Variants in NRXN1 observed in about 807,000 individuals in gnomAD.
NRXN1 encodes neurexin-1.
In NRXN1, 39 loss-of-function variants were observed where a neutral mutation model predicts 150.9. The observed-to-expected ratio is 0.26, with a 90% CI of 0.20 to 0.34. The LOEUF (loss-of-function observed/expected upper bound fraction) is 0.34, where lower values mean the gene tolerates loss of function less well. Ranked by LOEUF, NRXN1 falls within the 10% of genes least tolerant of loss-of-function variation. NRXN1 has a pLI of 1.00. For missense variants in NRXN1, 1,815 were observed against 1,949.9 expected (o/e 0.93, Z 1.30); for synonymous variants, 924 against 757.0 (o/e 1.22, Z -3.62).
At chr2:50,691,953 A>T (rs987821303) in intron 5 of NRXN1, among the ~76,000 whole-genome samples, 1 of 152,148 alleles carries the variant, frequency 6.6e-6, no homozygotes, top group African/African-American at 2.4e-5. Flanking sequence ...AGCCAACTCC[A>T]TGGTAGTTAT....
chr2:51,004,961 C>T (rs62143017), intron 2 of NRXN1, among the ~76,000 whole-genome samples: 11,057 of 152,004 alleles, frequency 0.073, 534 homozygotes, highest in Non-Finnish European at 0.11. Flanking sequence ...TAAGATGGAA[C>T]ATACTGGATA....
At chr2:50,217,252 G>T (rs78513132) in intron 18 of NRXN1, among the ~76,000 whole-genome samples, 15,507 of 151,946 alleles carry the variant, frequency 0.1, 1,085 homozygotes, top group East Asian at 0.36. Flanking sequence ...CTATTATTAA[G>T]AATAACAAAG....
chr2:50,620,554 T>C (rs1289997350), intron 7 of NRXN1, among the ~76,000 whole-genome samples: 22 of 152,194 alleles, frequency 1.4e-4, no homozygotes, highest in Admixed American at 1.4e-3. Flanking sequence ...TAGTAAGGTT[T>C]AGTTGTCTGT....
chr2:51,008,185 GTCAAA>G (rs1445847622), intron 2 of NRXN1, among the ~76,000 whole-genome samples: 1 of 151,818 alleles, frequency 6.6e-6, no homozygotes, highest in Non-Finnish European at 1.5e-5. Flanking sequence ...AAATACAAAT[GTCAAA>G]TCAATTAAAC....
chr2:50,146,286 T>C (rs1707996686), intron 18 of NRXN1, among the ~76,000 whole-genome samples: 1 of 151,694 alleles, frequency 6.6e-6, no homozygotes, highest in South Asian at 2.1e-4. Context: ...CTCAAGGATC[T>C]AGAACTAGAA....
At chr2:50,546,159 T>G (rs1292567401) in intron 9 of NRXN1, among the ~76,000 whole-genome samples, 1 of 151,892 alleles carries the variant, frequency 6.6e-6, no homozygotes, top group African/African-American at 2.4e-5. Flanking sequence ...ATCAAAAGAG[T>G]GCATGGGGAA....
intron 18 of NRXN1, among the ~76,000 whole-genome samples, chr2:50,213,447 G>A (rs1158995727): frequency 6.6e-6 from 1 of 151,876 alleles, no homozygotes; most frequent in African/African-American, 2.4e-5. Context: ...TGGATTGTAT[G>A]TGAACTTCAG....
intron 21 of NRXN1, among the ~76,000 whole-genome samples, chr2:49,965,454 G>T (rs1012724081): frequency 6.6e-6 from 1 of 151,760 alleles, no homozygotes; most frequent in East Asian, 1.9e-4. Context: ...TTTTAGTAGA[G>T]ACGGGGTTTC....
intron 22 of NRXN1, among the ~76,000 whole-genome samples, chr2:49,938,804 T>G (rs1404771026): frequency 6.6e-6 from 1 of 152,194 alleles, no homozygotes; most frequent in Non-Finnish European, 1.5e-5. Flanking sequence ...AAGAGGGTCT[T>G]TATCTTCATT....
At chr2:50,171,426 C>A (rs201302420) in intron 18 of NRXN1, among the ~76,000 whole-genome samples, 3 of 151,892 alleles carry the variant, frequency 2.0e-5, no homozygotes, top group South Asian at 2.1e-4. Context: ...TTTTAGGCCC[C>A]ATTAATGAGC....
chr2:50,703,317 G>C (rs957701803), intron 5 of NRXN1, among the ~76,000 whole-genome samples: 2 of 152,028 alleles, frequency 1.3e-5, no homozygotes, highest in Non-Finnish European at 2.9e-5. Flanking sequence ...ACAGATCCAG[G>C]TAACTCTTTT....
Position 50,705,358 on chromosome 2 carries a change from G to T in NRXN1, c.833-81743C>A, listed in dbSNP as rs576372344. 1.4e-3 allele frequency among the ~76,000 whole-genome samples: 206 copies of T among 152,168 alleles called. 1 individual carries two copies. The highest frequency in any genetic ancestry group is 4.8e-3 in the African/African-American group (198 of 41,524). On this transcript the variant is annotated intron_variant, in intron 5 of 22. Transcript: ENST00000401669. ...TCAATAGATAAAACTGAATCAGACT[G>T]ATGGTATCAATAATTATGTTAAACC...
At chr2:49,988,930 C>T (rs1432424160) in intron 21 of NRXN1, among the ~76,000 whole-genome samples, 1 of 152,150 alleles carries the variant, frequency 6.6e-6, no homozygotes, top group Non-Finnish European at 1.5e-5. Flanking sequence ...CTATATCCAA[C>T]AGAAATCAGG....
intron 17 of NRXN1, among the ~76,000 whole-genome samples, chr2:50,459,831 T>C (rs2104599753): frequency 6.6e-6 from 1 of 152,180 alleles, no homozygotes; most frequent in Middle Eastern, 3.4e-3. Flanking sequence ...AGAAGTAAAA[T>C]CTATATAAAA....
At chr2:50,143,984 C>T (rs548263787) in intron 18 of NRXN1, among the ~76,000 whole-genome samples, 1 of 151,944 alleles carries the variant, frequency 6.6e-6, no homozygotes, top group East Asian at 1.9e-4. Context: ...CATTTTCATC[C>T]TTAGGATGGT....
intron 17 of NRXN1, among the ~76,000 whole-genome samples, chr2:50,288,421 C>A (rs1177774102): frequency 2.0e-5 from 3 of 151,964 alleles, no homozygotes; most frequent in Non-Finnish European, 4.4e-5. Flanking sequence ...GAGAAACTCT[C>A]AGATAAAGAC....
chr2:50,068,038 G>C (rs1003345608), intron 19 of NRXN1, among the ~76,000 whole-genome samples: 2 of 152,160 alleles, frequency 1.3e-5, no homozygotes, highest in East Asian at 1.9e-4. Context: ...TACACAGTCT[G>C]ATGTGGCCTA....
intron 18 of NRXN1, among the ~76,000 whole-genome samples, chr2:50,234,578 C>A (rs1015692954): frequency 2.6e-5 from 4 of 152,054 alleles, no homozygotes; most frequent in African/African-American, 9.7e-5. Flanking sequence ...TGTCTAATCA[C>A]CTCTTCTAGG....
intron 8 of NRXN1, among the ~76,000 whole-genome samples, chr2:50,571,752 T>A (rs760925837): frequency 1.1e-4 from 17 of 151,898 alleles, no homozygotes; most frequent in Non-Finnish European, 1.8e-4. Context: ...ATAACTAAAA[T>A]GCCTCAAGGG....
Sources: allele counts gnomAD v4.1 joint callset (sites outside exome capture counted in the v4.1 genomes callset), GRCh38; gene constraint gnomAD v4.1.1; transcripts MANE v1.5; gene names NCBI Gene and HGNC (gene_info 2026-07-23, HGNC 2026-07-21).